The following SCFD2 variants were observed in gnomAD, a reference collection of about 807,000 sequenced individuals.
SCFD2 encodes sec1 family domain containing 2, also known as sec1 family domain-containing protein 2.
Under a neutral mutation model 58.9 loss-of-function variants are expected in SCFD2, and 54 were observed. The ratio of observed to expected loss-of-function variants is 0.92; its 90% CI spans 0.74 to 1.15. The LOEUF is 1.15. Ranked by LOEUF, SCFD2 falls within the 50% of genes most tolerant of loss-of-function variation. The pLI, the probability that SCFD2 is intolerant of heterozygous loss-of-function variation, is 0.00. For synonymous variants in SCFD2, 321 were observed against 335.9 expected (o/e 0.96, Z 0.49); for missense variants, 805 against 836.6 (o/e 0.96, Z 0.47).
At chr4:53,147,444 C>T (rs1291910299) in intron 4 of SCFD2, among the ~76,000 whole-genome samples, 1 of 152,128 alleles carries the variant, frequency 6.6e-6, no homozygotes, top group African/African-American at 2.4e-5. Flanking sequence ...ACAGCTGTTA[C>T]CATTTATTTC....
Position 53,019,082 on chromosome 4 carries a change from T to C in SCFD2, c.1562-98212A>G, listed in dbSNP as rs558681023. On this transcript the variant is annotated intron_variant, in intron 5 of 8. Transcript: ENST00000401642. ...CAGGGTGCAATGTGTTCAATAGATA[T>C]TAGGAGCCTTAAAAAGGATTATAAC... Among the ~76,000 whole-genome samples the C allele has an allele frequency of 3.3e-5, 5 of 152,290 alleles. No homozygotes were observed. In the East Asian group the frequency reaches 7.7e-4, roughly 24 times the overall value.
chr4:53,042,331 G>A (rs1577679965), intron 5 of SCFD2, among the ~76,000 whole-genome samples: 1 of 151,806 alleles, frequency 6.6e-6, no homozygotes, highest in South Asian at 2.1e-4. Flanking sequence ...AAAAATGTGT[G>A]TGTGTGTATA....
At chr4:53,021,088 T>C (rs73141435) in intron 5 of SCFD2, among the ~76,000 whole-genome samples, 1,740 of 152,284 alleles carry the variant, frequency 0.011, 31 homozygotes, top group African/African-American at 0.04. Flanking sequence ...GTACATCTTT[T>C]AGATGACAAT....
At chr4:53,156,050 T>C (rs1166572520) in intron 4 of SCFD2, among the ~76,000 whole-genome samples, 1 of 152,168 alleles carries the variant, frequency 6.6e-6, no homozygotes, top group Non-Finnish European at 1.5e-5. Context: ...GAGCTATATA[T>C]ACTCACAGCT....
chr4:53,315,968 C>G (rs1195054450), intron 2 of SCFD2, among the ~76,000 whole-genome samples: 1 of 152,120 alleles, frequency 6.6e-6, no homozygotes, highest in Admixed American at 6.6e-5. Flanking sequence ...CTCACCCACT[C>G]CAAATACATG....
intron 7 of SCFD2, among the ~76,000 whole-genome samples, chr4:52,896,057 T>C (rs1196270190): frequency 6.6e-6 from 1 of 152,216 alleles, no homozygotes; most frequent in African/African-American, 2.4e-5. Flanking sequence ...AGATTCTGGA[T>C]ATTAGCCCTT....
chr4:53,232,716 A>G (rs1729476374), intron 4 of SCFD2, among the ~76,000 whole-genome samples: 1 of 152,192 alleles, frequency 6.6e-6, no homozygotes, highest in South Asian at 2.1e-4. Flanking sequence ...TATTCCTCCT[A>G]AAGTATGTCC....
chr4:53,161,777 G>A (rs1726860345), intron 4 of SCFD2, among the ~76,000 whole-genome samples: 1 of 152,078 alleles, frequency 6.6e-6, no homozygotes, highest in Non-Finnish European at 1.5e-5. Context: ...CTAGTCATTC[G>A]TCTTTATCTG....
At chr4:53,040,880 C>G (rs1310099785) in intron 5 of SCFD2, among the ~76,000 whole-genome samples, 1 of 152,002 alleles carries the variant, frequency 6.6e-6, no homozygotes, top group Non-Finnish European at 1.5e-5. Flanking sequence ...GATTTTAAAC[C>G]TGTTGATAGA....
At chr4:53,272,897 G>A (rs1731219078) in intron 4 of SCFD2, among the ~76,000 whole-genome samples, 1 of 151,930 alleles carries the variant, frequency 6.6e-6, no homozygotes, top group African/African-American at 2.4e-5. Flanking sequence ...AAGCTATTTA[G>A]GGATATTTAT....
At chr4:53,321,596 T>G (rs866309190) in intron 2 of SCFD2, among the ~76,000 whole-genome samples, 11 of 152,308 alleles carry the variant, frequency 7.2e-5, no homozygotes, top group South Asian at 6.2e-4. Context: ...CAACTAATTT[T>G]AAACAGAAGG....
chr4:53,004,267 G>A (rs1488408429), intron 5 of SCFD2, among the ~76,000 whole-genome samples: 1 of 152,178 alleles, frequency 6.6e-6, no homozygotes, highest in African/African-American at 2.4e-5. Context: ...AGGAAAACCA[G>A]AAGATTGGAG....
intron 5 of SCFD2, among the ~76,000 whole-genome samples, chr4:53,012,128 G>C (rs1156591671): frequency 6.6e-6 from 1 of 151,592 alleles, no homozygotes; most frequent in Admixed American, 6.6e-5. Context: ...AGAAGTCAAA[G>C]GGTCAATGGA....
chr4:53,237,736 C>A (rs1232821726), intron 4 of SCFD2, among the ~76,000 whole-genome samples: 1 of 114,374 alleles, frequency 8.7e-6, no homozygotes, highest in Non-Finnish European at 1.9e-5. Flanking sequence ...AGGCGCCCCT[C>A]ACCTCCCGGA....
At chr4:53,318,966 A>G (rs1327828562) in intron 2 of SCFD2, among the ~76,000 whole-genome samples, 2 of 152,188 alleles carry the variant, frequency 1.3e-5, no homozygotes, top group African/African-American at 2.4e-5. Flanking sequence ...AGTAACCTCA[A>G]TCTTTAAAAG....
At chr4:53,220,338 A>G (rs1444636509) in intron 4 of SCFD2, among the ~76,000 whole-genome samples, 2 of 152,178 alleles carry the variant, frequency 1.3e-5, no homozygotes, top group Non-Finnish European at 2.9e-5. Context: ...TGCTGTATAC[A>G]TTTGTTGGTT....
At chr4:53,231,515 CTCTT>C (rs949868313) in intron 4 of SCFD2, among the ~76,000 whole-genome samples, 1 of 152,150 alleles carries the variant, frequency 6.6e-6, no homozygotes, top group African/African-American at 2.4e-5. Context: ...TCTATATTTT[CTCTT>C]TTTTTACTGT....
Position 53,176,196 on chromosome 4 carries a change from C to G in SCFD2, c.1312-30614G>C, listed in dbSNP as rs191039310. 2.3e-3 allele frequency among the ~76,000 whole-genome samples: 357 copies of G among 152,294 alleles called. 2 individuals carry two copies. The highest frequency in any genetic ancestry group is 4.6e-3 in the Non-Finnish European group (316 of 68,022). On this transcript the variant is annotated intron_variant, in intron 4 of 8. Transcript: ENST00000401642. ...ACAGTCAAACCAGATACATTATAGCCTACCTACAAACAACTTCTTTCAAAA... is the reference window on the plus strand; with the variant it reads ...ACAGTCAAACCAGATACATTATAGCGTACCTACAAACAACTTCTTTCAAAA...
intron 7 of SCFD2, among the ~76,000 whole-genome samples, chr4:52,897,416 A>G (rs1348183236): frequency 2.6e-5 from 4 of 152,220 alleles, no homozygotes; most frequent in Non-Finnish European, 5.9e-5. Context: ...TGAGAAAATC[A>G]TGTGGTTTTT....
Sources: gnomAD v4.1 joint callset for allele counts (sites outside exome capture counted in the v4.1 genomes callset) on GRCh38, gnomAD v4.1.1 for gene constraint, MANE v1.5 for transcripts, NCBI Gene and HGNC (gene_info 2026-07-23, HGNC 2026-07-21) for gene names.